HECW1: variants seen among roughly 807,000 people sequenced by gnomAD.
HECW1 encodes the protein HECT, C2 and WW domain containing E3 ubiquitin protein ligase 1, also known as E3 ubiquitin-protein ligase HECW1.
Under a neutral mutation model 182.3 loss-of-function variants are expected in HECW1, and 61 were observed. The ratio of observed to expected loss-of-function variants is 0.33; its 90% CI spans 0.27 to 0.41. The LOEUF (loss-of-function observed/expected upper bound fraction) is 0.41. Among genes scored for constraint, HECW1 ranks in the 10% least tolerant of loss-of-function variants. The pLI, the probability that HECW1 is intolerant of heterozygous loss-of-function variation, is 1.00. For synonymous variants in HECW1, 859 were observed against 832.6 expected, an observed-to-expected ratio of 1.03 and a Z score of -0.55; for missense variants, 1,739 against 2,108.9, an observed-to-expected ratio of 0.82 and a Z score of 3.44.
rs1224563007 is a variant in HECW1, at chr7:43,268,533, A to G, written c.27+24601A>G. ...CCTAGTGGGCAGAGGCCGGGGATGCAGCTGCACATCCCACTGTGCCCTGGA... is the reference window on the plus strand; with the variant it reads ...CCTAGTGGGCAGAGGCCGGGGATGCGGCTGCACATCCCACTGTGCCCTGGA... On this transcript the variant is annotated intron_variant, in intron 3 of 29. Coordinates refer to ENST00000395891, the MANE Select transcript of HECW1 (RefSeq NM_015052.5). Among the ~76,000 whole-genome samples the G allele has an allele frequency of 2.0e-5, 3 of 152,252 alleles. No homozygotes were observed. The East Asian group carries it at 5.8e-4, about 29-fold the overall frequency.
At chr7:43,128,265 G>A (rs1333657437) in intron 2 of HECW1, among the ~76,000 whole-genome samples, 1 of 152,188 alleles carries the variant, frequency 6.6e-6, no homozygotes, top group Non-Finnish European at 1.5e-5. Flanking sequence ...AGAAGTCAGT[G>A]CCTGGCTTCA....
chr7:43,401,589 C>T (rs1389672997), intron 7 of HECW1, among the ~76,000 whole-genome samples: 1 of 50,074 alleles, frequency 2.0e-5, no homozygotes, highest in African/African-American at 6.5e-5. Flanking sequence ...TTTTTTTTCC[C>T]CCAAATATAG....
chr7:43,561,947 C>A lies in HECW1; in HGVS notation c.*21C>A. The A allele has an allele frequency of 7.0e-7, 1 of 1,421,938 alleles. No homozygotes were observed. Among genetic ancestry groups the A allele is most frequent in the Non-Finnish European group, 1.0e-6 (1 of 1,004,978 alleles). The allele number at this position is 1,421,938 out of a possible 1,614,324, so 88.1% of individuals were successfully genotyped here. A position where few individuals can be genotyped will look rare whatever the true frequency, so the allele number is the denominator to read the frequency against. ...AGTGAGGACATGGAACCTCGCCTGA[C>A]ATTTTCCTGGCCAGTGACATCACCC... On this transcript the variant is annotated 3_prime_UTR_variant, in exon 30 of 30. Coordinates refer to ENST00000395891, the MANE Select transcript of HECW1 (RefSeq NM_015052.5).
intron 4 of HECW1, among the ~76,000 whole-genome samples, chr7:43,314,365 G>A (rs1410489249): frequency 7.9e-5 from 12 of 152,150 alleles, no homozygotes; most frequent in Non-Finnish European, 1.3e-4. Flanking sequence ...CCTTGGGGGT[G>A]GATAAGCTCA....
chr7:43,528,013 C>A (rs544028109), intron 24 of HECW1, among the ~76,000 whole-genome samples: 1 of 152,134 alleles, frequency 6.6e-6, no homozygotes, highest in Non-Finnish European at 1.5e-5. Flanking sequence ...TATTAGCTAA[C>A]GTTAATAGCT....
At chr7:43,133,712 T>C (rs1787206761) in intron 2 of HECW1, among the ~76,000 whole-genome samples, 1 of 152,108 alleles carries the variant, frequency 6.6e-6, no homozygotes, top group Non-Finnish European at 1.5e-5. Context: ...ATGTGTCTAT[T>C]TTATTGTTTT....
At chr7:43,241,927 G>A (rs1015356019) in intron 2 of HECW1, among the ~76,000 whole-genome samples, 1 of 152,198 alleles carries the variant, frequency 6.6e-6, no homozygotes, top group East Asian at 1.9e-4. Context: ...GGGGTGTGGA[G>A]GAAGAAGGGC....
At chr7:43,241,616 ATGTGTGTG>A (rs57645139) in intron 2 of HECW1, 3,322 of 122,096 alleles carry the variant, frequency 0.027, 39 homozygotes, top group Admixed American at 0.034. Flanking sequence ...CTCCTAATGT[ATGTGTGTG>A]TGTGTGTGTG....
At chr7:43,551,918 C>T (rs896720219) in intron 27 of HECW1, among the ~76,000 whole-genome samples, 6 of 152,056 alleles carry the variant, frequency 3.9e-5, no homozygotes, top group African/African-American at 7.3e-5. Context: ...GGAAGGGACA[C>T]GGGGTCTGTC....
chr7:43,171,211 A>G (rs998890221), intron 2 of HECW1, among the ~76,000 whole-genome samples: 1 of 152,126 alleles, frequency 6.6e-6, no homozygotes, highest in Non-Finnish European at 1.5e-5. Context: ...TGCCTTTACA[A>G]TCAAGGAGTT....
At chr7:43,353,416 G>C (rs1312366319) in intron 5 of HECW1, among the ~76,000 whole-genome samples, 2 of 152,136 alleles carry the variant, frequency 1.3e-5, no homozygotes, top group Non-Finnish European at 2.9e-5. Flanking sequence ...TCTCAGAAGA[G>C]TACCATGACG....
At chr7:43,500,879 C>T (rs1585103154) in intron 20 of HECW1, 97 bp downstream of exon 20, 1 of 1,011,978 alleles carries the variant, frequency 9.9e-7, no homozygotes. Flanking sequence ...GAAAAACTCA[C>T]CGCTTGTTCT....
chr7:43,485,296 G>A (rs2078588149), intron 17 of HECW1, among the ~76,000 whole-genome samples: 1 of 152,184 alleles, frequency 6.6e-6, no homozygotes, highest in Non-Finnish European at 1.5e-5. Flanking sequence ...CTTGCTTTTG[G>A]GGAGAGTAAT....
intron 2 of HECW1, among the ~76,000 whole-genome samples, chr7:43,166,533 T>A (rs751547625): frequency 5.3e-5 from 8 of 152,160 alleles, no homozygotes; most frequent in Admixed American, 2.6e-4. Flanking sequence ...ACTCTTATTA[T>A]TACTGATATT....
intron 6 of HECW1, among the ~76,000 whole-genome samples, chr7:43,377,182 G>A (rs1436175790): frequency 6.6e-6 from 1 of 152,032 alleles, no homozygotes; most frequent in Non-Finnish European, 1.5e-5. Context: ...GGCAGCCCAG[G>A]CCCATCTCCT....
intron 8 of HECW1, among the ~76,000 whole-genome samples, chr7:43,422,361 T>G (rs912317531): frequency 2.4e-4 from 30 of 122,844 alleles, no homozygotes; most frequent in African/African-American, 9.4e-4. Flanking sequence ...GTTTTTTGGT[T>G]GTTGTTGTTT....
chr7:43,545,651 T>A (rs1263105552), intron 26 of HECW1, among the ~76,000 whole-genome samples: 1 of 152,222 alleles, frequency 6.6e-6, no homozygotes, highest in Non-Finnish European at 1.5e-5. Context: ...ATAAACTGCA[T>A]GCTTACAATA....
At position 43,336,096 on chromosome 7, in the gene HECW1, TTTCTTTC is replaced by T. The variant is rs1348460634; in HGVS notation, c.460+15364_460+15370del. ...CCCTCCCTTTCTTTCTTTCTCTTTC[TTTCTTTC>T]TTCTTTCTTTCTTTCTTTCTTTCTC... is the stretch of plus-strand genomic sequence containing the variant. On this transcript the variant is annotated intron_variant, in intron 5 of 29. Transcript: ENST00000395891. 2.7e-5 allele frequency among the ~76,000 whole-genome samples: 4 copies of T among 146,712 alleles called. 1 individual carries two copies. The highest frequency in any genetic ancestry group is 5.3e-5 in the African/African-American group (2 of 37,670).
At chr7:43,128,209 A>G (rs1393901537) in intron 2 of HECW1, among the ~76,000 whole-genome samples, 3 of 152,168 alleles carry the variant, frequency 2.0e-5, no homozygotes, top group Non-Finnish European at 4.4e-5. Context: ...AGATAAAACA[A>G]CCTTCTATTG....
Sources: allele counts gnomAD v4.1 joint callset (sites outside exome capture counted in the v4.1 genomes callset), GRCh38; gene constraint gnomAD v4.1.1; transcripts MANE v1.5; gene names NCBI Gene and HGNC (gene_info 2026-07-23, HGNC 2026-07-21).